CTNND2: variants seen among roughly 807,000 people sequenced by gnomAD.
CTNND2 encodes catenin delta 2, also known as catenin delta-2.
CTNND2 carries 22 observed loss-of-function variants against 144.4 expected under a neutral mutation model. The ratio of observed to expected loss-of-function variants is 0.15; its 90% CI spans 0.11 to 0.22. The LOEUF (loss-of-function observed/expected upper bound fraction) is 0.22, where lower values mean the gene tolerates loss of function less well. Among genes scored for constraint, CTNND2 ranks in the 10% least tolerant of loss-of-function variants. CTNND2 has a pLI of 1.00. For missense variants in CTNND2, 1,353 were observed against 1,618.8 expected, an observed-to-expected ratio of 0.84 and a Z score of 2.82; for synonymous variants, 751 against 695.6, an observed-to-expected ratio of 1.08 and a Z score of -1.25.
Position 11,072,465 on chromosome 5 carries a change from A to G in CTNND2, c.2788+10231T>C, listed in dbSNP as rs1184257820. ...AAGTACATTATAATACACGAAATTG[A>G]ATAGGAAAATTTTGTTTTAACTTTA... On this transcript the variant is annotated intron_variant, in intron 16 of 21. Coordinates refer to ENST00000304623, the MANE Select transcript of CTNND2 (RefSeq NM_001332.4). Among the ~76,000 whole-genome samples the G allele has an allele frequency of 2.6e-5, 4 of 152,260 alleles. No individual in the cohort carries two copies. The East Asian group carries it at 7.7e-4, about 29-fold the overall frequency.
intron 3 of CTNND2, among the ~76,000 whole-genome samples, chr5:11,548,716 C>A (rs1249810490): frequency 6.6e-6 from 1 of 152,158 alleles, no homozygotes; most frequent in Non-Finnish European, 1.5e-5. Flanking sequence ...TGTAAAGTGA[C>A]AAATCCAATC....
rs5865929 is a variant in CTNND2 at position 11,265,698 on chromosome 5, A to ATTT, written c.1629-28878_1629-28876dup. Among the ~76,000 whole-genome samples, 512 of 77,412 alleles carry ATTT rather than the reference A, an allele frequency of 6.6e-3. 9 individuals are homozygous for ATTT. The highest frequency in any genetic ancestry group is 0.012 in the Middle Eastern group (1 of 82). 50.8% of individuals were successfully genotyped at this position (77,412 alleles called of 152,430 possible). A position where few individuals can be genotyped will look rare whatever the true frequency, so the allele number is the denominator to read the frequency against. On this transcript the variant is annotated intron_variant, in intron 9 of 21. Transcript: ENST00000304623. The stretch of plus-strand genomic sequence containing the variant: ...CTCAGCATCACTGTATGTATTCTCT[A>ATTT]TTTTTTTTTTTTTTTTTTTTTTTTT...
intron 9 of CTNND2, among the ~76,000 whole-genome samples, chr5:11,316,472 TTATTATTATTA>T (rs1561206937): frequency 1.5e-4 from 13 of 88,456 alleles, no homozygotes; most frequent in African/African-American, 6.0e-4. Flanking sequence ...CTATTTTTTA[TTATTATTATTA>T]TTATTATTAT....
At chr5:11,722,733 A>G (rs909371887) in intron 2 of CTNND2, among the ~76,000 whole-genome samples, 21 of 152,174 alleles carry the variant, frequency 1.4e-4, no homozygotes, top group African/African-American at 4.6e-4. Context: ...TCACAACAAC[A>G]GCAGGAGGGT....
intron 3 of CTNND2, among the ~76,000 whole-genome samples, chr5:11,515,214 A>T (rs26170): frequency 0.43 from 65,618 of 151,820 alleles, 14,934 homozygotes; most frequent in South Asian, 0.54. Context: ...AACGGGGGTA[A>T]TACTTCAGTG....
chr5:11,078,371 C>G (rs1749173830), intron 16 of CTNND2, among the ~76,000 whole-genome samples: 1 of 152,080 alleles, frequency 6.6e-6, no homozygotes, highest in Middle Eastern at 3.2e-3. Context: ...TATTCTCAGT[C>G]AAGAAAAAAA....
chr5:11,377,538 T>C (rs1758058316), intron 7 of CTNND2, among the ~76,000 whole-genome samples: 1 of 152,182 alleles, frequency 6.6e-6, no homozygotes, highest in South Asian at 2.1e-4. Flanking sequence ...TGAAGTCATA[T>C]CAATATCAAT....
intron 3 of CTNND2, among the ~76,000 whole-genome samples, chr5:11,456,142 C>T (rs1765713280): frequency 6.6e-6 from 1 of 152,116 alleles, no homozygotes; most frequent in Non-Finnish European, 1.5e-5. Context: ...CTACATATTA[C>T]CATCACTTAT....
At chr5:11,271,097 T>A (rs971759852) in intron 9 of CTNND2, among the ~76,000 whole-genome samples, 1 of 152,208 alleles carries the variant, frequency 6.6e-6, no homozygotes, top group African/African-American at 2.4e-5. Flanking sequence ...CACACACCTA[T>A]GTATATGCAT....
chr5:11,903,155 C>CTT lies in CTNND2; in HGVS notation c.37+661_37+662insAA, dbSNP rs1033176699. 15 of 982,720 alleles carry CTT rather than the reference C, an allele frequency of 1.5e-5. No individual in the cohort carries two copies. The highest frequency in any genetic ancestry group is 1.2e-6 in the Non-Finnish European group (1 of 827,556). 60.9% of individuals were successfully genotyped at this position (982,720 alleles called of 1,614,324 possible). A position where few individuals can be genotyped will look rare whatever the true frequency, so the allele number is the denominator to read the frequency against. Reference sequence around the variant, plus strand: ...TTGCATCGCTCATCTCCCATACACACGCACAGCCTTCCAAACCTGGCTTTC... The same window carrying CTT: ...TTGCATCGCTCATCTCCCATACACACTTGCACAGCCTTCCAAACCTGGCTTTC... On this transcript the variant is annotated intron_variant, in intron 1 of 21. Transcript: ENST00000304623. This position sits in a 1 kb window ranked among gnomAD's most constrained non-coding sequence, Gnocchi z 5.4.
chr5:11,873,283 T>C (rs1449455866), intron 1 of CTNND2, among the ~76,000 whole-genome samples: 2 of 152,182 alleles, frequency 1.3e-5, no homozygotes, highest in Non-Finnish European at 2.9e-5. Context: ...TAAAATTTAA[T>C]ATAATGATAT....
rs61755757 is a variant in CTNND2, at chr5:11,084,258, G to A, written c.2638-1412C>T. On this transcript the variant is annotated intron_variant, in intron 15 of 21. Coordinates refer to ENST00000304623, the MANE Select transcript of CTNND2 (RefSeq NM_001332.4). ...ACTGCTTCTTGGGATGTGGGAATCC[G>A]GAACTGATATCCCCTCCCAGGGAGG... Among the ~76,000 whole-genome samples, 537 of 152,320 alleles carry A rather than the reference G, an allele frequency of 3.5e-3. 3 individuals are homozygous for A. The highest frequency in any genetic ancestry group is 0.012 in the African/African-American group (488 of 41,570).
chr5:11,727,580 G>A (rs143004462), intron 2 of CTNND2, among the ~76,000 whole-genome samples: 28 of 152,118 alleles, frequency 1.8e-4, no homozygotes, highest in East Asian at 7.7e-4. Context: ...CAGCAATCAC[G>A]TAATTCTCAC....
chr5:11,423,571 G>C (rs1406657195), intron 3 of CTNND2, among the ~76,000 whole-genome samples: 1 of 152,148 alleles, frequency 6.6e-6, no homozygotes, highest in Non-Finnish European at 1.5e-5. Context: ...AAAATGGAGG[G>C]GGTCAAGCTT....
At chr5:11,515,919 G>A (rs1772122886) in intron 3 of CTNND2, among the ~76,000 whole-genome samples, 2 of 152,046 alleles carry the variant, frequency 1.3e-5, no homozygotes, top group Non-Finnish European at 2.9e-5. Flanking sequence ...GGGCAACATA[G>A]CAAGAACCCA....
At chr5:11,374,314 G>A (rs1757718147) in intron 7 of CTNND2, among the ~76,000 whole-genome samples, 3 of 152,120 alleles carry the variant, frequency 2.0e-5, no homozygotes, top group African/African-American at 7.2e-5. Flanking sequence ...CATCAGACTT[G>A]TAACAAAAGT....
At chr5:11,431,733 C>T (rs1304965884) in intron 3 of CTNND2, among the ~76,000 whole-genome samples, 1 of 152,102 alleles carries the variant, frequency 6.6e-6, no homozygotes, top group African/African-American at 2.4e-5. Flanking sequence ...CAGTAAATTG[C>T]CTCAGTTATT....
In CTNND2 at chr5:11,658,917, GATCA is replaced by G. The variant is rs536412484; in HGVS notation, c.174+73215_174+73218del. On this transcript the variant is annotated intron_variant, in intron 2 of 21. Transcript: ENST00000304623. ...AAAGGACTACTGAAAAGAATTTAGA[GATCA>G]ATTATGAATTAAATATTATCATAAA... Among the ~76,000 whole-genome samples, 22 of 152,200 alleles carry G rather than the reference GATCA, an allele frequency of 1.4e-4. 1 individual carries two copies. The East Asian group carries it at 4.1e-3, about 28-fold the overall frequency.
At chr5:11,562,377 G>C (rs575591647) in intron 3 of CTNND2, among the ~76,000 whole-genome samples, 9 of 152,166 alleles carry the variant, frequency 5.9e-5, no homozygotes, top group African/African-American at 2.2e-4. Context: ...ATGAAAACTT[G>C]AATTTCTAAA....
Sources: allele counts gnomAD v4.1 joint callset (sites outside exome capture counted in the v4.1 genomes callset), GRCh38; gene constraint gnomAD v4.1.1; non-coding constraint Gnocchi (gnomAD v3.1); transcripts MANE v1.5; gene names NCBI Gene and HGNC (gene_info 2026-07-23, HGNC 2026-07-21).